Variants in PRKG1 observed in about 807,000 individuals in gnomAD.
PRKG1 encodes the protein protein kinase cGMP-dependent 1.
A neutral mutation model predicts 88.1 loss-of-function variants in PRKG1; 35 were observed. The observed-to-expected ratio is 0.40, with a 90% CI of 0.30 to 0.53. The LOEUF is 0.53. Ranked by LOEUF, PRKG1 falls within the 20% of genes least tolerant of loss-of-function variation. The pLI is 0.59. For missense variants in PRKG1, 540 were observed against 839.8 expected, an observed-to-expected ratio of 0.64 and a Z score of 4.41; for synonymous variants, 303 against 292.5, an observed-to-expected ratio of 1.04 and a Z score of -0.37.
intron 2 of PRKG1, among the ~76,000 whole-genome samples, chr10:51,357,399 ACT>A (rs1201970066): frequency 6.6e-6 from 1 of 151,712 alleles, no homozygotes; most frequent in African/African-American, 2.4e-5. Flanking sequence ...TGGAAATACC[ACT>A]CTCTCATCAA....
chr10:52,241,365 C>G (rs529245086), intron 9 of PRKG1, among the ~76,000 whole-genome samples: 1 of 152,192 alleles, frequency 6.6e-6, no homozygotes, highest in East Asian at 1.9e-4. Flanking sequence ...AATAATAGAA[C>G]TGTCAAGCTG....
chr10:51,476,139 T>A (rs1173350281), intron 3 of PRKG1, among the ~76,000 whole-genome samples: 1 of 152,010 alleles, frequency 6.6e-6, no homozygotes, highest in African/African-American at 2.4e-5. Flanking sequence ...CTTTCAATAG[T>A]TAGAAGATGA....
intron 3 of PRKG1, among the ~76,000 whole-genome samples, chr10:51,677,932 A>G (rs1450013139): frequency 6.6e-6 from 1 of 152,136 alleles, no homozygotes; most frequent in Non-Finnish European, 1.5e-5. Context: ...CTTGGATATG[A>G]GAGGTTTTTT....
intron 4 of PRKG1, among the ~76,000 whole-genome samples, chr10:51,850,469 G>A (rs1006094089): frequency 6.6e-6 from 1 of 151,786 alleles, no homozygotes; most frequent in African/African-American, 2.4e-5. Context: ...AAGCCACAGT[G>A]TCCAGCCCAT....
intron 3 of PRKG1, among the ~76,000 whole-genome samples, chr10:51,613,147 C>T (rs142511871): frequency 9.2e-5 from 14 of 152,034 alleles, no homozygotes; most frequent in African/African-American, 2.6e-4. Flanking sequence ...TCCATCCAGT[C>T]CTGGGCTCTT....
At chr10:51,930,549 G>A (rs1168776146) in intron 5 of PRKG1, among the ~76,000 whole-genome samples, 3 of 137,870 alleles carry the variant, frequency 2.2e-5, no homozygotes, top group South Asian at 2.2e-4. Context: ...ACAGTTCAGC[G>A]GCATGACCTC....
chr10:51,197,341 C>G (rs1300493944), intron 2 of PRKG1, among the ~76,000 whole-genome samples: 1 of 152,088 alleles, frequency 6.6e-6, no homozygotes, highest in Admixed American at 6.6e-5. Context: ...GACATGATCT[C>G]GGCTCACCGC....
chr10:51,386,527 C>G (rs926787368), intron 2 of PRKG1, among the ~76,000 whole-genome samples: 1 of 152,086 alleles, frequency 6.6e-6, no homozygotes, highest in Non-Finnish European at 1.5e-5. Context: ...CTGGAAAAGA[C>G]TAATGTCCCA....
At position 52,204,093 on chromosome 10, in the gene PRKG1, TATTA is replaced by T. The variant is rs1451995423; in HGVS notation, c.1076+42131_1076+42134del. Among the ~76,000 whole-genome samples the T allele has an allele frequency of 4.3e-3, 300 of 69,922 alleles. 2 individuals carry two copies. Among genetic ancestry groups the T allele is most frequent in the South Asian group, 0.022 (49 of 2,224 alleles). The allele number at this position is 69,922 out of a possible 152,430, so 45.9% of individuals were successfully genotyped here. A position where few individuals can be genotyped will look rare whatever the true frequency, so the allele number is the denominator to read the frequency against. ...CGCTGGTTATTATTATTATTATTAT[TATTA>T]TTATTATTATTTTTTGTTTTTGAGA... On this transcript the variant is annotated intron_variant, in intron 9 of 17. Transcript: ENST00000373980.
At chr10:51,588,722 T>G (rs758577629) in intron 3 of PRKG1, among the ~76,000 whole-genome samples, 1 of 152,208 alleles carries the variant, frequency 6.6e-6, no homozygotes, top group Non-Finnish European at 1.5e-5. Context: ...AGGGTTGAGA[T>G]TCCAGTGATC....
At chr10:51,497,082 T>C (rs1480834089) in intron 3 of PRKG1, among the ~76,000 whole-genome samples, 2 of 152,200 alleles carry the variant, frequency 1.3e-5, no homozygotes, top group Admixed American at 1.3e-4. Flanking sequence ...ATGAGAGCTC[T>C]GAGTTTTAGA....
intron 3 of PRKG1, among the ~76,000 whole-genome samples, chr10:51,655,526 A>G (rs964794875): frequency 5.3e-5 from 8 of 152,240 alleles, no homozygotes; most frequent in African/African-American, 1.7e-4. Flanking sequence ...ACAGCAGGCC[A>G]TGACAGAATA....
intron 5 of PRKG1, among the ~76,000 whole-genome samples, chr10:52,008,594 C>T (rs1252654482): frequency 1.3e-5 from 2 of 152,024 alleles, no homozygotes; most frequent in African/African-American, 4.8e-5. Context: ...AATCCCTGAA[C>T]AGACTAATAA....
intron 2 of PRKG1, among the ~76,000 whole-genome samples, chr10:51,263,787 G>GTAACAACCTA (rs1422066250): frequency 6.6e-6 from 1 of 152,120 alleles, no homozygotes; most frequent in Non-Finnish European, 1.5e-5. Flanking sequence ...GTTGAATAAG[G>GTAACAACCTA]TAACAACCTA....
rs538251785 is a variant in PRKG1 at position 51,437,757 on chromosome 10, A to G, written c.479-29966A>G. On this transcript the variant is annotated intron_variant, in intron 2 of 17. Transcript: ENST00000373980. The stretch of plus-strand genomic sequence containing the variant: ...TGTTCTAAATCAGTGGTTCTTAAAC[A>G]GAGGTGACCTGCCTCTTCACAGGAA... Among the ~76,000 whole-genome samples the G allele has an allele frequency of 7.9e-5, 12 of 151,492 alleles. No individual in the cohort carries two copies. The East Asian group carries it at 2.1e-3, about 27-fold the overall frequency.
At chr10:51,460,991 A>G (rs1839729439) in intron 2 of PRKG1, among the ~76,000 whole-genome samples, 1 of 152,154 alleles carries the variant, frequency 6.6e-6, no homozygotes, top group African/African-American at 2.4e-5. Flanking sequence ...CTTGATAAGT[A>G]TATTGACTCT....
intron 2 of PRKG1, among the ~76,000 whole-genome samples, chr10:51,219,702 T>A (rs1838475741): frequency 6.6e-6 from 1 of 150,600 alleles, no homozygotes; most frequent in Non-Finnish European, 1.5e-5. Flanking sequence ...AGTGCGAGAC[T>A]CCATCTCAAA....
intron 5 of PRKG1, among the ~76,000 whole-genome samples, chr10:51,959,678 A>G (rs1843398570): frequency 6.6e-6 from 1 of 152,092 alleles, no homozygotes; most frequent in Non-Finnish European, 1.5e-5. Flanking sequence ...TAGAATAGGG[A>G]GAGAGTTTGG....
intron 9 of PRKG1, among the ~76,000 whole-genome samples, chr10:52,175,902 T>C (rs1298843190): frequency 6.6e-6 from 1 of 152,196 alleles, no homozygotes; most frequent in Non-Finnish European, 1.5e-5. Context: ...TAATGCCCTA[T>C]TGGATGAATA....
Sources: allele counts gnomAD v4.1 joint callset (sites outside exome capture counted in the v4.1 genomes callset), GRCh38; gene constraint gnomAD v4.1.1; transcripts MANE v1.5; gene names NCBI Gene and HGNC (gene_info 2026-07-23, HGNC 2026-07-21).